The following OPCML variants were observed in gnomAD, a reference collection of about 807,000 sequenced individuals.
OPCML encodes the protein opioid-binding protein/cell adhesion molecule.
In OPCML, 13 loss-of-function variants were observed where a neutral mutation model predicts 37.8. The ratio of observed to expected loss-of-function variants is 0.34; its 90% CI spans 0.22 to 0.55. OPCML has a LOEUF of 0.55. Among genes scored for constraint, OPCML ranks in the 20% least tolerant of loss-of-function variants. The pLI is 0.91. For synonymous variants in OPCML, 176 were observed against 168.8 expected (o/e 1.04, Z -0.33); for missense variants, 341 against 435.6 (o/e 0.78, Z 1.93).
At chr11:132,670,723 C>G (rs1022747616) in intron 2 of OPCML, among the ~76,000 whole-genome samples, 1 of 151,916 alleles carries the variant, frequency 6.6e-6, no homozygotes, top group Admixed American at 6.6e-5. Context: ...AGTGAATATC[C>G]AAAGAAACTA....
intron 1 of OPCML, among the ~76,000 whole-genome samples, chr11:133,314,200 A>G (rs908979372): frequency 7.9e-6 from 1 of 126,102 alleles, no homozygotes; most frequent in Admixed American, 1.0e-4. Context: ...GCGCCACTGC[A>G]CTCCAGCCTG....
chr11:133,029,988 C>G (rs1308135464), intron 1 of OPCML, among the ~76,000 whole-genome samples: 1 of 152,180 alleles, frequency 6.6e-6, no homozygotes, highest in Non-Finnish European at 1.5e-5. Context: ...AGGTCACCAT[C>G]ATCTTAAGAG....
intron 1 of OPCML, among the ~76,000 whole-genome samples, chr11:133,359,031 T>G (rs1944355962): frequency 1.3e-5 from 2 of 152,134 alleles, no homozygotes; most frequent in Admixed American, 6.5e-5. Context: ...AAAAACTTTG[T>G]TGTTTATTCT....
chr11:132,526,100 G>A (rs1176235007), intron 4 of OPCML, among the ~76,000 whole-genome samples: 1 of 152,108 alleles, frequency 6.6e-6, no homozygotes, highest in East Asian at 1.9e-4. Flanking sequence ...AAAAGATTGG[G>A]AATATGAATG....
intron 1 of OPCML, among the ~76,000 whole-genome samples, chr11:132,983,813 C>T (rs1159087259): frequency 1.3e-5 from 2 of 152,166 alleles, no homozygotes; most frequent in Non-Finnish European, 2.9e-5. Context: ...TCTTCTGAGG[C>T]AAAGCCAATT....
At chr11:132,847,929 G>A (rs570213203) in intron 2 of OPCML, among the ~76,000 whole-genome samples, 6 of 152,090 alleles carry the variant, frequency 3.9e-5, no homozygotes, top group African/African-American at 4.8e-5. Context: ...GTAGAAGTCC[G>A]GGCTGTCACT....
chr11:133,276,858 A>G (rs1204470954), intron 1 of OPCML, among the ~76,000 whole-genome samples: 3 of 152,166 alleles, frequency 2.0e-5, no homozygotes, highest in African/African-American at 4.8e-5. Context: ...CTCTTACTTA[A>G]GATCTTTGAA....
At chr11:133,190,127 A>G (rs1216822019) in intron 1 of OPCML, among the ~76,000 whole-genome samples, 6 of 152,220 alleles carry the variant, frequency 3.9e-5, no homozygotes, top group African/African-American at 1.4e-4. Flanking sequence ...ATGAATTCCA[A>G]TCCTGAAATC....
chr11:133,465,475 C>T (rs1946953902), intron 1 of OPCML, among the ~76,000 whole-genome samples: 2 of 152,118 alleles, frequency 1.3e-5, no homozygotes, highest in Admixed American at 1.3e-4. Context: ...AGTTTTAGTT[C>T]ATTTGTCCAA....
chr11:133,280,065 TGAGCATTGG>T (rs1942103050), intron 1 of OPCML, among the ~76,000 whole-genome samples: 1 of 152,200 alleles, frequency 6.6e-6, no homozygotes, highest in Non-Finnish European at 1.5e-5. Context: ...GCATTGTGTA[TGAGCATTGG>T]GAGTGCAGAG....
rs570089866 is a variant in OPCML at position 133,479,557 on chromosome 11, C to A, written c.61+52707G>T. On this transcript the variant is annotated intron_variant, in intron 1 of 7. Transcript: ENST00000524381. Reference sequence around the variant, plus strand: ...GAACAGACTTTGCTGTGCACACAGGCCCTGAAGGGCTTCTTGCAGAGCTTG... The same window carrying A: ...GAACAGACTTTGCTGTGCACACAGGACCTGAAGGGCTTCTTGCAGAGCTTG... Among the ~76,000 whole-genome samples the A allele has an allele frequency of 2.0e-5, 3 of 152,336 alleles. No individual in the cohort carries two copies. In the South Asian group the frequency reaches 6.2e-4, roughly 32 times the overall value.
chr11:132,987,636 C>T (rs912362245), intron 1 of OPCML, among the ~76,000 whole-genome samples: 2 of 152,072 alleles, frequency 1.3e-5, no homozygotes, highest in African/African-American at 4.8e-5. Context: ...TTTTAGGGGG[C>T]AAGAGTGGAG....
intron 2 of OPCML, among the ~76,000 whole-genome samples, chr11:132,671,636 C>T (rs952273971): frequency 6.6e-6 from 1 of 152,146 alleles, no homozygotes; most frequent in African/African-American, 2.4e-5. Flanking sequence ...CAGCACTCAA[C>T]ATGTGGGCAA....
At chr11:132,932,036 A>G (rs1254365085) in intron 2 of OPCML, among the ~76,000 whole-genome samples, 1 of 152,232 alleles carries the variant, frequency 6.6e-6, no homozygotes, top group Non-Finnish European at 1.5e-5. Context: ...GATGAATGCT[A>G]TAAAATACCA....
chr11:132,988,702 G>T (rs529630373), intron 1 of OPCML, among the ~76,000 whole-genome samples: 5 of 152,300 alleles, frequency 3.3e-5, no homozygotes, highest in African/African-American at 1.2e-4. Context: ...GATTAAAGGC[G>T]ATGAGGTGAG....
At chr11:132,563,856 AC>A (rs1415384411) in intron 3 of OPCML, among the ~76,000 whole-genome samples, 1 of 152,090 alleles carries the variant, frequency 6.6e-6, no homozygotes, top group Non-Finnish European at 1.5e-5. Context: ...AATCAGTGAG[AC>A]TTTTTTTGGT....
intron 1 of OPCML, among the ~76,000 whole-genome samples, chr11:133,081,286 G>C (rs10791276): frequency 0.72 from 108,854 of 151,960 alleles, 39,583 homozygotes; most frequent in African/African-American, 0.85. Context: ...TGTCAGCCCC[G>C]TTGGTACCAC....
chr11:132,877,450 A>G (rs548551792), intron 2 of OPCML, among the ~76,000 whole-genome samples: 1 of 152,318 alleles, frequency 6.6e-6, no homozygotes, highest in Admixed American at 6.5e-5. Context: ...CTACCAATGA[A>G]TTGTGGTCAC....
intron 1 of OPCML, among the ~76,000 whole-genome samples, chr11:133,383,938 G>C (rs1944984538): frequency 6.6e-6 from 1 of 152,058 alleles, no homozygotes; most frequent in Middle Eastern, 3.2e-3. Context: ...GTGCAGGCTT[G>C]TCACCAAGGT....
Sources: allele counts gnomAD v4.1 joint callset (sites outside exome capture counted in the v4.1 genomes callset), GRCh38; gene constraint gnomAD v4.1.1; transcripts MANE v1.5; gene names NCBI Gene and HGNC (gene_info 2026-07-23, HGNC 2026-07-21).